FANCB: variants seen among roughly 807,000 people sequenced by gnomAD.
FANCB encodes the protein Fanconi anemia group B protein.
A neutral mutation model predicts 38.9 loss-of-function variants in FANCB; 5 were observed. The observed-to-expected ratio is 0.13, with a 90% CI of 0.07 to 0.27. FANCB has a LOEUF of 0.27. FANCB is among the 10% of genes least tolerant of loss of function. The probability of loss-of-function intolerance (pLI) is 1.00; values close to 1 mark genes in which losing one functional copy is unlikely to be tolerated. For synonymous variants in FANCB, 236 were observed against 215.4 expected (o/e 1.10, Z -0.84); for missense variants, 573 against 602.7 (o/e 0.95, Z 0.52).
chrX:14,867,466 A>C (rs1256005461), intron 2 of FANCB, among the ~76,000 whole-genome samples: 1 of 111,666 alleles, frequency 9.0e-6, no homozygotes, highest in East Asian at 2.8e-4. Context: ...AAAGGTGCCA[A>C]GAACCACACA....
the FANCB span, among the ~76,000 whole-genome samples, chrX:14,715,809 G>C: frequency 9.0e-6 from 1 of 111,710 alleles, no homozygotes; most frequent in Admixed American, 9.5e-5. Context: ...AAAGGAGCTT[G>C]GGAGTGGTCA....
At chrX:14,714,456 T>A in the FANCB span, among the ~76,000 whole-genome samples, 1 of 111,681 alleles carries the variant, frequency 9.0e-6, no homozygotes, top group African/African-American at 3.3e-5. Context: ...GATCCACCAT[T>A]ATGAGAAGAA....
At chrX:14,813,401 G>A in the FANCB span, among the ~76,000 whole-genome samples, 1 of 111,052 alleles carries the variant, frequency 9.0e-6, no homozygotes, top group Non-Finnish European at 1.9e-5. Context: ...TGACATGATT[G>A]TATATCTAGA....
the FANCB span, among the ~76,000 whole-genome samples, chrX:14,779,425 G>C: frequency 2.7e-5 from 3 of 111,779 alleles, no homozygotes; most frequent in African/African-American, 9.8e-5. Context: ...ACAGTATTAA[G>C]AGGTGGGATC....
the FANCB span, among the ~76,000 whole-genome samples, chrX:14,815,380 AAAAAG>A: frequency 1.8e-5 from 2 of 111,673 alleles, no homozygotes; most frequent in Non-Finnish European, 3.8e-5. Context: ...AGGTAAAAAA[AAAAAG>A]AAAAGAAAAG....
chrX:14,727,538 G>C, the FANCB span, among the ~76,000 whole-genome samples: 1 of 112,136 alleles, frequency 8.9e-6, no homozygotes, highest in Non-Finnish European at 1.9e-5. Context: ...CTAATGACCT[G>C]TATGTGCTTC....
chrX:14,810,475 G>A, the FANCB span, among the ~76,000 whole-genome samples: 1 of 112,286 alleles, frequency 8.9e-6, no homozygotes, highest in African/African-American at 3.2e-5. Context: ...GCTTAAAGGA[G>A]CTGATGGAGC....
the FANCB span, among the ~76,000 whole-genome samples, chrX:14,797,562 G>A: frequency 1.8e-5 from 2 of 109,255 alleles, no homozygotes; most frequent in African/African-American, 3.3e-5. Flanking sequence ...TGCACCTGTG[G>A]TCCCAGCTAC....
At chrX:14,697,728 C>T in the FANCB span, among the ~76,000 whole-genome samples, 2 of 110,890 alleles carry the variant, frequency 1.8e-5, no homozygotes, top group Non-Finnish European at 3.8e-5. Flanking sequence ...ATGAAGCCAC[C>T]GGGCTATCAC....
chrX:14,698,473 G>GT, the FANCB span, among the ~76,000 whole-genome samples: 3 of 109,282 alleles, frequency 2.7e-5, no homozygotes, highest in Admixed American at 2.9e-4. Flanking sequence ...GAGGGCAAGA[G>GT]TTTGAGACCA....
the FANCB span, among the ~76,000 whole-genome samples, chrX:14,695,847 T>C: frequency 9.0e-6 from 1 of 111,122 alleles, no homozygotes; most frequent in East Asian, 2.8e-4. Flanking sequence ...AAGTATTAAA[T>C]AGTAGTTTGG....
At position 14,850,220 on chromosome X, in the gene FANCB, C is replaced by T. The variant is rs185627117; in HGVS notation, c.1496+285G>A. ...CAAAAACTAGCCGGGCATGATGGTG[C>T]GTGCCTGTAATCCCAGCTACTGGGG... On this transcript the variant is annotated intron_variant, in intron 7 of 9. Coordinates refer to ENST00000650831, the MANE Select transcript of FANCB (RefSeq NM_001018113.3). Among the ~76,000 whole-genome samples, 16 of 110,982 alleles carry T rather than the reference C, an allele frequency of 1.4e-4. No individual in the cohort carries two copies. In the East Asian group the frequency reaches 3.1e-3, roughly 22 times the overall value.
the FANCB span, among the ~76,000 whole-genome samples, chrX:14,769,948 T>G: frequency 2.7e-5 from 3 of 112,411 alleles, no homozygotes; most frequent in Admixed American, 1.9e-4. Flanking sequence ...TCAATTCCCA[T>G]GTAGATGTGT....
chrX:14,743,242 T>A, the FANCB span, among the ~76,000 whole-genome samples: 1 of 112,178 alleles, frequency 8.9e-6, no homozygotes, highest in Admixed American at 9.4e-5. Context: ...GCTGTGTGGC[T>A]CTTGGCAATG....
At chrX:14,801,973 C>A in the FANCB span, among the ~76,000 whole-genome samples, 1 of 111,535 alleles carries the variant, frequency 9.0e-6, no homozygotes, top group Non-Finnish European at 1.9e-5. Context: ...TCCTTGAAAC[C>A]TTGGGACTGT....
the FANCB span, among the ~76,000 whole-genome samples, chrX:14,825,795 C>T: frequency 8.9e-6 from 1 of 111,886 alleles, no homozygotes; most frequent in Non-Finnish European, 1.9e-5. Flanking sequence ...AGAGGATTTC[C>T]CTTTTACTCC....
the FANCB span, among the ~76,000 whole-genome samples, chrX:14,787,150 C>CATTG: frequency 1.8e-5 from 2 of 110,845 alleles, no homozygotes; most frequent in South Asian, 7.6e-4. Flanking sequence ...CCATTTTCCT[C>CATTG]ATTGATTAAA....
the FANCB span, among the ~76,000 whole-genome samples, chrX:14,805,567 C>G: frequency 1.8e-5 from 2 of 111,602 alleles, no homozygotes; most frequent in Non-Finnish European, 3.8e-5. Flanking sequence ...TGCCAACCCC[C>G]ATCAATCCCA....
chrX:14,732,497 C>G, the FANCB span, among the ~76,000 whole-genome samples: 16 of 112,274 alleles, frequency 1.4e-4, no homozygotes, highest in Non-Finnish European at 9.4e-5. Context: ...TACACTCCCA[C>G]CAACAATGTA....
Sources: allele counts gnomAD v4.1 joint callset (sites outside exome capture counted in the v4.1 genomes callset), GRCh38; gene constraint gnomAD v4.1.1; transcripts MANE v1.5; gene names NCBI Gene and HGNC (gene_info 2026-07-23, HGNC 2026-07-21).